FBXL20: variants seen among roughly 807,000 people sequenced by gnomAD.
FBXL20 encodes the protein F-box/LRR-repeat protein 20.
A neutral mutation model predicts 64.0 loss-of-function variants in FBXL20; 11 were observed. The observed-to-expected ratio is 0.17, with a 90% CI of 0.11 to 0.28. The LOEUF is 0.28. Among genes scored for constraint, FBXL20 ranks in the 10% least tolerant of loss-of-function variants. FBXL20 has a pLI of 1.00. For synonymous variants in FBXL20, 184 were observed against 189.0 expected (o/e 0.97, Z 0.22); for missense variants, 303 against 526.2 (o/e 0.58, Z 4.15).
chr17:39,372,768 G>A (rs1779632613), intron 1 of FBXL20, among the ~76,000 whole-genome samples: 1 of 151,322 alleles, frequency 6.6e-6, no homozygotes. Context: ...TGGCACTACA[G>A]GTGTGTGCTA....
chr17:39,375,790 T>C (rs2047961521), intron 1 of FBXL20, among the ~76,000 whole-genome samples: 1 of 152,190 alleles, frequency 6.6e-6, no homozygotes, highest in Admixed American at 6.6e-5. Context: ...ATCATTTTAA[T>C]TTACCCCAAA....
In FBXL20 at chr17:39,286,069, G is replaced by A. The variant is rs1047685530; in HGVS notation, c.399-496C>T. ...GGATGGACTGGTCTGGTATTGGGCT[G>A]AAAAAAGTAAGTTATGTATTAAAGA... On this transcript the variant is annotated intron_variant, in intron 6 of 14. Transcript: ENST00000264658. 5.9e-5 allele frequency among the ~76,000 whole-genome samples: 9 copies of A among 152,076 alleles called. 1 individual carries two copies.
At chr17:39,282,947 GGAAACA>G in intron 7 of FBXL20, 92 bp from the exon 8 acceptor site, 1 of 1,446,644 alleles carries the variant, frequency 6.9e-7, no homozygotes, top group Non-Finnish European at 9.6e-7. Flanking sequence ...GTAAAGGAAT[GGAAACA>G]TTCCCATTTT....
intron 2 of FBXL20, among the ~76,000 whole-genome samples, chr17:39,319,261 A>C (rs2047327033): frequency 6.6e-6 from 1 of 152,052 alleles, no homozygotes; most frequent in African/African-American, 2.4e-5. Flanking sequence ...AAAAAAAGAG[A>C]GAGAGAGAAT....
At chr17:39,345,793 A>T (rs1368745597) in intron 1 of FBXL20, among the ~76,000 whole-genome samples, 2 of 152,120 alleles carry the variant, frequency 1.3e-5, no homozygotes, top group Non-Finnish European at 2.9e-5. Flanking sequence ...CTCCCAACTC[A>T]GTGTCCCAAA....
intron 1 of FBXL20, among the ~76,000 whole-genome samples, chr17:39,376,254 C>G (rs9898773): frequency 0.38 from 57,907 of 152,052 alleles, 14,160 homozygotes; most frequent in African/African-American, 0.7. Context: ...CAGCTCAAAA[C>G]GTTTGTCTTT....
intron 1 of FBXL20, among the ~76,000 whole-genome samples, chr17:39,398,510 G>C (rs1227324122): frequency 6.6e-6 from 1 of 152,118 alleles, no homozygotes; most frequent in Non-Finnish European, 1.5e-5. Flanking sequence ...TGACCTACAA[G>C]GGTTATTACT....
chr17:39,329,709 G>A (rs1188107552), intron 2 of FBXL20, among the ~76,000 whole-genome samples: 2 of 152,058 alleles, frequency 1.3e-5, no homozygotes, highest in Non-Finnish European at 2.9e-5. Flanking sequence ...AAAACAGAGG[G>A]AAAAAAGGTC....
chr17:39,281,371 G>C lies in FBXL20; in HGVS notation c.696+18C>G. 1 of 1,611,066 alleles carries C rather than the reference G, an allele frequency of 6.2e-7. No homozygotes were observed. Among genetic ancestry groups the C allele is most frequent in the South Asian group, 1.1e-5 (1 of 90,800 alleles). ...AATGAATTACTAAAACAGAAGAGTT[G>C]TGAGAAGGGATGTTTACCAAGCAAG... On this transcript the variant is annotated intron_variant, in intron 9 of 14. Transcript: ENST00000264658.
At chr17:39,286,442 G>A (rs557344021) in intron 6 of FBXL20, among the ~76,000 whole-genome samples, 1 of 151,968 alleles carries the variant, frequency 6.6e-6, no homozygotes, top group African/African-American at 2.4e-5. Flanking sequence ...CTCCAACTCC[G>A]GGCCTCAAGT....
chr17:39,343,326 C>A, intron 1 of FBXL20, 85 bp from the exon 2 acceptor site: 3 of 934,490 alleles, frequency 3.2e-6, no homozygotes, highest in South Asian at 4.2e-5. Flanking sequence ...GCAATTCTCT[C>A]AGGAAAGAGG....
At chr17:39,389,033 G>C (rs1001673807) in intron 1 of FBXL20, among the ~76,000 whole-genome samples, 5 of 148,830 alleles carry the variant, frequency 3.4e-5, no homozygotes, top group Admixed American at 6.7e-5. Context: ...GAACCCGGGA[G>C]GCGGAGGTTG....
At chr17:39,301,139 T>A in intron 3 of FBXL20, 64 bp from the exon 4 acceptor site, 1 of 1,482,388 alleles carries the variant, frequency 6.7e-7, no homozygotes, top group Non-Finnish European at 9.3e-7. Context: ...GGCAGCAATA[T>A]TCAAGTTCAC....
intron 9 of FBXL20, among the ~76,000 whole-genome samples, 169 bp downstream of exon 9, chr17:39,281,220 G>T (rs2046947522): frequency 6.6e-6 from 1 of 152,092 alleles, no homozygotes; most frequent in Admixed American, 6.6e-5. Flanking sequence ...AGGCCCCTAG[G>T]AATGAGTATT....
At chr17:39,330,709 G>A (rs544970686) in intron 2 of FBXL20, among the ~76,000 whole-genome samples, 3 of 152,314 alleles carry the variant, frequency 2.0e-5, no homozygotes, top group African/African-American at 4.8e-5. Flanking sequence ...CTCTCCCTGA[G>A]AGACTAAAAC....
At chr17:39,372,577 G>T (rs892542410) in intron 1 of FBXL20, among the ~76,000 whole-genome samples, 5 of 144,766 alleles carry the variant, frequency 3.5e-5, no homozygotes, top group Admixed American at 6.9e-5. Context: ...CCTTGAAAAT[G>T]AGCCAATGAC....
chr17:39,385,284 T>G (rs1210172578), intron 1 of FBXL20, among the ~76,000 whole-genome samples: 1 of 151,762 alleles, frequency 6.6e-6, no homozygotes, highest in Non-Finnish European at 1.5e-5. Context: ...GCCACTGCAC[T>G]CCAGACTGGG....
At position 39,297,213 on chromosome 17, in the gene FBXL20, TA is replaced by T; in HGVS notation, c.330-19del. On this transcript the variant is annotated intron_variant, in intron 5 of 14. Coordinates refer to ENST00000264658, the MANE Select transcript of FBXL20 (RefSeq NM_032875.3). ...CAAAGGTTCTTTGTAGGAAAGAAAG[TA>T]AGAGGTTTCAAATGAAATAGGCCAA... 6.3e-7 allele frequency: 1 copy of T among 1,586,510 alleles called. No individual in the cohort carries two copies. Among genetic ancestry groups the T allele is most frequent in the South Asian group, 1.1e-5 (1 of 88,642 alleles).
intron 6 of FBXL20, among the ~76,000 whole-genome samples, chr17:39,290,897 G>A (rs952338386): frequency 6.6e-6 from 1 of 151,796 alleles, no homozygotes; most frequent in Non-Finnish European, 1.5e-5. Context: ...CTAGACAGAG[G>A]TTAATCAAGC....
Sources: allele counts gnomAD v4.1 joint callset (sites outside exome capture counted in the v4.1 genomes callset), GRCh38; gene constraint gnomAD v4.1.1; transcripts MANE v1.5; gene names NCBI Gene and HGNC (gene_info 2026-07-23, HGNC 2026-07-21).